The following PCDH15 variants were observed in gnomAD, a reference collection of about 807,000 sequenced individuals.
PCDH15 encodes protocadherin related 15, also known as protocadherin-15.
Under a neutral mutation model 178.5 loss-of-function variants are expected in PCDH15, and 129 were observed. The observed-to-expected ratio is 0.72, with a 90% CI of 0.63 to 0.84. The LOEUF (loss-of-function observed/expected upper bound fraction) is 0.84, where lower values mean the gene tolerates loss of function less well. Among genes scored for constraint, PCDH15 ranks in the 40% least tolerant of loss-of-function variants. The pLI is 0.00. For missense variants in PCDH15, 2,230 were observed against 2,099.9 expected, an observed-to-expected ratio of 1.06 and a Z score of -1.21; for synonymous variants, 800 against 732.0, an observed-to-expected ratio of 1.09 and a Z score of -1.50.
chr10:54,067,031 A>T, intron 17 of PCDH15, 146 bp from the exon 18 acceptor site: 1 of 701,268 alleles, frequency 1.4e-6, no homozygotes, highest in Middle Eastern at 4.5e-4. Flanking sequence ...AAATAAAAAA[A>T]TAAAAAAATT....
chr10:55,283,203 G>A (rs1198306230), intron 1 of PCDH15, among the ~76,000 whole-genome samples: 1 of 152,078 alleles, frequency 6.6e-6, no homozygotes, highest in East Asian at 1.9e-4. Flanking sequence ...GGATGAATCA[G>A]CTGGCACCAC....
intron 27 of PCDH15, among the ~76,000 whole-genome samples, chr10:53,866,392 T>G (rs2133152402): frequency 6.6e-6 from 1 of 151,178 alleles, no homozygotes; most frequent in African/African-American, 2.4e-5. Flanking sequence ...TTTCAAATAT[T>G]ATAATGTTTT....
At chr10:54,548,111 A>C (rs2133116152) in intron 2 of PCDH15, among the ~76,000 whole-genome samples, 1 of 147,444 alleles carries the variant, frequency 6.8e-6, no homozygotes, top group East Asian at 2.0e-4. Flanking sequence ...AAAAAAAAAA[A>C]ACCAAAAAAA....
chr10:54,138,247 G>GGTGTGT (rs145602311), intron 14 of PCDH15, among the ~76,000 whole-genome samples: 1 of 151,480 alleles, frequency 6.6e-6, no homozygotes, highest in Non-Finnish European at 1.5e-5. Flanking sequence ...GTAATTGTGA[G>GGTGTGT]GTGTGTGTGT....
At chr10:55,015,287 G>A (rs975226693) in intron 2 of PCDH15, among the ~76,000 whole-genome samples, 1 of 151,280 alleles carries the variant, frequency 6.6e-6, no homozygotes, top group African/African-American at 2.4e-5. Flanking sequence ...TTGGCCAGTA[G>A]GCTCCACAGA....
intron 10 of PCDH15, among the ~76,000 whole-genome samples, chr10:54,209,035 A>T (rs1339642096): frequency 6.6e-6 from 1 of 151,972 alleles, no homozygotes; most frequent in Non-Finnish European, 1.5e-5. Context: ...TAGAAAGAAT[A>T]TAACTTATAT....
chr10:54,067,982 AT>A (rs1449612337), intron 17 of PCDH15, among the ~76,000 whole-genome samples: 1 of 150,976 alleles, frequency 6.6e-6, no homozygotes, highest in East Asian at 1.9e-4. Context: ...ATTTTTTTTT[AT>A]TTTTTTAGCT....
At chr10:54,855,782 G>C (rs1380124305) in intron 3 of PCDH15, among the ~76,000 whole-genome samples, 21 of 152,104 alleles carry the variant, frequency 1.4e-4, no homozygotes, top group Admixed American at 1.4e-3. Flanking sequence ...AAGGCTTCCT[G>C]GTGCTTTCCC....
At chr10:54,611,501 G>T (rs1219252983) in intron 2 of PCDH15, among the ~76,000 whole-genome samples, 1 of 151,720 alleles carries the variant, frequency 6.6e-6, no homozygotes, top group Non-Finnish European at 1.5e-5. Flanking sequence ...CGGATAATTA[G>T]ATCAACAGCT....
intron 24 of PCDH15, among the ~76,000 whole-genome samples, chr10:53,940,332 T>G (rs2085941745): frequency 6.6e-6 from 1 of 152,168 alleles, no homozygotes; most frequent in South Asian, 2.1e-4. Flanking sequence ...ATTTTTATTT[T>G]TAATCATGAA....
At chr10:54,406,844 T>C (rs1350006469) in intron 3 of PCDH15, among the ~76,000 whole-genome samples, 1 of 152,124 alleles carries the variant, frequency 6.6e-6, no homozygotes, top group Non-Finnish European at 1.5e-5. Flanking sequence ...TAACCTGCTA[T>C]GAAACAACAC....
intron 3 of PCDH15, among the ~76,000 whole-genome samples, chr10:54,466,298 T>A (rs1382871694): frequency 6.6e-6 from 1 of 151,946 alleles, no homozygotes; most frequent in Admixed American, 6.6e-5. Context: ...CTTCCAGTAG[T>A]TTTATAATTT....
chr10:55,493,491 A>G lies in PCDH15; in HGVS notation c.-156+134134T>C, dbSNP rs142489551. On this transcript the variant is annotated intron_variant, in intron 2 of 5. Coordinates refer to the PCDH15 transcript ENST00000613346. ...CAGGAGGTCAAGGCTGCAGTAAGCC[A>G]TGATCATACCACTGAACTCCAGCCT... Among the ~76,000 whole-genome samples the G allele has an allele frequency of 2.1e-3, 325 of 151,772 alleles. 1 individual carries two copies. The highest frequency in any genetic ancestry group is 7.7e-3 in the African/African-American group (321 of 41,436).
chr10:54,272,771 G>A (rs575409793), intron 8 of PCDH15, among the ~76,000 whole-genome samples: 1 of 152,076 alleles, frequency 6.6e-6, no homozygotes, highest in Non-Finnish European at 1.5e-5. Flanking sequence ...TTCTAGGAAA[G>A]GAATTATCTG....
intron 2 of PCDH15, among the ~76,000 whole-genome samples, chr10:55,404,661 G>A (rs776136368): frequency 1.8e-4 from 28 of 151,814 alleles, no homozygotes; most frequent in Middle Eastern, 3.2e-3. Flanking sequence ...AATATCTGGC[G>A]AATGTCATAA....
intron 2 of PCDH15, among the ~76,000 whole-genome samples, chr10:54,635,838 G>A (rs1046199747): frequency 3.3e-5 from 5 of 151,780 alleles, no homozygotes; most frequent in African/African-American, 1.2e-4. Context: ...ATTCAGAGGT[G>A]ACCTCCACGA....
chr10:54,286,540 G>A (rs1429520338), intron 8 of PCDH15, among the ~76,000 whole-genome samples: 1 of 152,134 alleles, frequency 6.6e-6, no homozygotes, highest in African/African-American at 2.4e-5. Context: ...ATAAAAGCTT[G>A]AGTAATCTAA....
intron 1 of PCDH15, among the ~76,000 whole-genome samples, chr10:55,216,111 GA>G (rs879577506): frequency 1.7e-4 from 26 of 149,908 alleles, no homozygotes; most frequent in Admixed American, 8.0e-4. Flanking sequence ...TCACCACCTA[GA>G]AAAAAAAATG....
At chr10:55,062,609 C>T (rs1307408346) in intron 2 of PCDH15, among the ~76,000 whole-genome samples, 3 of 152,084 alleles carry the variant, frequency 2.0e-5, no homozygotes, top group Admixed American at 6.6e-5. Flanking sequence ...AGGCAGAGCA[C>T]AGAGGATTTT....
Sources: allele counts gnomAD v4.1 joint callset (sites outside exome capture counted in the v4.1 genomes callset), GRCh38; gene constraint gnomAD v4.1.1; transcripts MANE v1.5; gene names NCBI Gene and HGNC (gene_info 2026-07-23, HGNC 2026-07-21).